TMEM260: variants seen among roughly 807,000 people sequenced by gnomAD.
The protein encoded by TMEM260 is transmembrane protein 260, also known as protein O-mannosyl-transferase TMEM260.
Under a neutral mutation model 88.9 loss-of-function variants are expected in TMEM260, and 82 were observed. The observed-to-expected ratio is 0.92, with a 90% CI of 0.77 to 1.11. TMEM260 has a LOEUF of 1.11. Ranked by LOEUF, TMEM260 falls within the 50% of genes least tolerant of loss-of-function variation. TMEM260 has a pLI of 0.00. For missense variants in TMEM260, 902 were observed against 853.4 expected (o/e 1.06, Z -0.71); for synonymous variants, 314 against 309.3 (o/e 1.02, Z -0.16).
At chr14:56,623,476 C>CT (rs545298425) in intron 11 of TMEM260, among the ~76,000 whole-genome samples, 157 of 152,290 alleles carry the variant, frequency 1.0e-3, no homozygotes, top group Non-Finnish European at 1.8e-3. Flanking sequence ...CTGACCAATA[C>CT]TGAGTCATAT....
At chr14:56,594,979 G>T (rs1886117037) in intron 3 of TMEM260, among the ~76,000 whole-genome samples, 1 of 152,164 alleles carries the variant, frequency 6.6e-6, no homozygotes, top group Non-Finnish European at 1.5e-5. Context: ...TAACTTGCCT[G>T]ATCACTCACT....
downstream of TMEM260, chr14:56,649,594 A>T (rs985818257): frequency 6.5e-6 from 1 of 152,778 alleles, no homozygotes; most frequent in African/African-American, 2.4e-5. Context: ...CTATACACAG[A>T]TATGTGAATA....
intron 15 of TMEM260, chr14:56,638,205 G>A (rs1385706952): frequency 6.6e-6 from 1 of 150,864 alleles, no homozygotes; most frequent in African/African-American, 2.5e-5. Context: ...CCTGATTATA[G>A]AAGGCAGCAT....
At chr14:56,649,995 T>C (rs1890171014), downstream of TMEM260, 3 of 407,376 alleles carry the variant, frequency 7.4e-6, no homozygotes, top group South Asian at 3.6e-5. Flanking sequence ...TGAACTACTT[T>C]GGAGAATCCT....
At chr14:56,584,086 ATGAAT>A in intron 1 of TMEM260, among the ~76,000 whole-genome samples, 1 of 151,976 alleles carries the variant, frequency 6.6e-6, no homozygotes, top group Non-Finnish European at 1.5e-5. Context: ...CAGTATGAAG[ATGAAT>A]TGAAGTAGGA....
chr14:56,618,210 A>G (rs1178732767), intron 9 of TMEM260, among the ~76,000 whole-genome samples: 1 of 152,156 alleles, frequency 6.6e-6, no homozygotes, highest in African/African-American at 2.4e-5. Context: ...CCTACATCCT[A>G]TAGGAGGAAA....
At position 56,617,243 on chromosome 14, in the gene TMEM260, G is replaced by A. The variant is rs1411791339; in HGVS notation, c.1002G>A (p.Leu334=). ...CTGGAATGTTTTGCATTTATTCATT[G>A]TTCTTTGCTTGGAGAGCAAATTTAG... The part of the protein sequence containing the change: ...LFTGMFCIYS[L]FFAWRANLDI... Residue 334 remains leucine, a synonymous_variant, in exon 9 of 16, where the codon TTG becomes TTA. Transcript: ENST00000261556. 1 of 1,605,170 alleles carries A rather than the reference G, an allele frequency of 6.2e-7. No individual in the cohort carries two copies. The highest frequency in any genetic ancestry group is 8.5e-7 in the Non-Finnish European group (1 of 1,176,692).
intron 6 of TMEM260, among the ~76,000 whole-genome samples, chr14:56,611,016 G>A (rs1358090144): frequency 6.8e-6 from 1 of 147,408 alleles, no homozygotes; most frequent in African/African-American, 2.5e-5. Context: ...ACCCAGGCTG[G>A]AGTGCAGTGG....
intron 10 of TMEM260, among the ~76,000 whole-genome samples, chr14:56,620,341 G>A (rs2139595907): frequency 6.6e-6 from 1 of 152,234 alleles, no homozygotes; most frequent in South Asian, 2.1e-4. Context: ...CTGGGGTAGA[G>A]CTGGTGTTAG....
chr14:56,592,402 T>C (rs1885922274), intron 3 of TMEM260, among the ~76,000 whole-genome samples: 1 of 152,204 alleles, frequency 6.6e-6, no homozygotes, highest in Non-Finnish European at 1.5e-5. Flanking sequence ...ATTATAATTT[T>C]CCCACAGAGT....
At chr14:56,662,755 T>A in the TMEM260 span, among the ~76,000 whole-genome samples, 1 of 152,218 alleles carries the variant, frequency 6.6e-6, no homozygotes, top group Non-Finnish European at 1.5e-5. Flanking sequence ...TACGCTCACA[T>A]CCAGAACCCT....
intron 3 of TMEM260, 139 bp downstream of exon 3, chr14:56,586,051 A>G: frequency 2.2e-6 from 2 of 923,028 alleles, no homozygotes; most frequent in East Asian, 2.6e-5. Context: ...AATTTATAAT[A>G]CTTTCATATG....
chr14:56,585,413 A>G (rs1377529931), intron 2 of TMEM260, among the ~76,000 whole-genome samples: 2 of 152,246 alleles, frequency 1.3e-5, no homozygotes, highest in Non-Finnish European at 2.9e-5. Context: ...TGGTCTTTCA[A>G]CTTTCTAACC....
intron 6 of TMEM260, among the ~76,000 whole-genome samples, chr14:56,611,258 A>C (rs540457506): frequency 6.6e-6 from 1 of 151,852 alleles, no homozygotes; most frequent in African/African-American, 2.4e-5. Flanking sequence ...GAGCCACCGC[A>C]CCCAGCCTGC....
chr14:56,631,054 A>G (rs1260979151), intron 12 of TMEM260, among the ~76,000 whole-genome samples: 3 of 152,190 alleles, frequency 2.0e-5, no homozygotes, highest in Non-Finnish European at 4.4e-5. Flanking sequence ...AAAGAATTCA[A>G]CTGAGGGGAA....
At chr14:56,622,338 G>C (rs1474119738) in intron 11 of TMEM260, among the ~76,000 whole-genome samples, 1 of 80,042 alleles carries the variant, frequency 1.2e-5, no homozygotes, top group East Asian at 3.6e-4. Flanking sequence ...GCGAGACTCC[G>C]TCTCAAAAAA....
chr14:56,628,252 A>G (rs926912256), intron 12 of TMEM260, among the ~76,000 whole-genome samples: 59 of 152,284 alleles, frequency 3.9e-4, no homozygotes, highest in African/African-American at 1.3e-3. Flanking sequence ...TTTTCTGCAT[A>G]GGGTTGGGAT....
intron 3 of TMEM260, among the ~76,000 whole-genome samples, chr14:56,598,400 C>T (rs1886375739): frequency 6.6e-6 from 1 of 152,044 alleles, no homozygotes; most frequent in African/African-American, 2.4e-5. Flanking sequence ...GAGACCTCAG[C>T]AAGAGCAATT....
At chr14:56,624,415 A>C (rs1218848835) in intron 11 of TMEM260, among the ~76,000 whole-genome samples, 2 of 152,132 alleles carry the variant, frequency 1.3e-5, no homozygotes, top group Non-Finnish European at 2.9e-5. Flanking sequence ...GTCTATCAAA[A>C]ATACAAAAAT....
Sources: gnomAD v4.1 joint callset for allele counts (sites outside exome capture counted in the v4.1 genomes callset) on GRCh38, gnomAD v4.1.1 for gene constraint, MANE v1.5 for transcripts, NCBI Gene and HGNC (gene_info 2026-07-23, HGNC 2026-07-21) for gene names.